KAT6B: variants seen among roughly 807,000 people sequenced by gnomAD.
The protein encoded by KAT6B is lysine acetyltransferase 6B.
In KAT6B, 10 loss-of-function variants were observed where a neutral mutation model predicts 187.5. That is an observed-to-expected ratio of 0.05 (90% CI 0.03 to 0.09). The LOEUF (loss-of-function observed/expected upper bound fraction) is 0.09. Ranked by LOEUF, KAT6B falls within the 10% of genes least tolerant of loss-of-function variation. KAT6B has a pLI of 1.00. For missense variants in KAT6B, 1,952 were observed against 2,558.9 expected (o/e 0.76, Z 5.12); for synonymous variants, 861 against 926.8 (o/e 0.93, Z 1.29).
rs750230825 is a variant in KAT6B, at chr10:75,024,959, G to A, written c.3374G>A (p.Arg1125Lys). ...KPQSVAIKRK[R>K]PFVLKKKRGR... ...TGTTATGTTTGGAATTAATTTCAGA[G>A]GCCTTTTGTACTAAAGAAGAAAAGG... The change falls in exon 17 of 18, where the codon AGG becomes AAG. Residue 1125 changes from arginine (R) to lysine (K), a missense_variant and splice_region_variant. By Grantham distance (26) the Arg-to-Lys change is conservative. Coordinates refer to ENST00000287239, the MANE Select transcript of KAT6B (RefSeq NM_012330.4). 4 of 1,613,760 alleles carry A rather than the reference G, an allele frequency of 2.5e-6. No homozygotes were observed. In the South Asian group the frequency reaches 3.3e-5, roughly 13 times the overall value.
Position 74,889,095 on chromosome 10 carries a change from A to G in KAT6B, c.621+45617A>G, listed in dbSNP as rs571621906. 7.2e-5 allele frequency among the ~76,000 whole-genome samples: 11 copies of G among 152,274 alleles called. No homozygotes were observed. In the South Asian group the frequency reaches 2.1e-3, roughly 29 times the overall value. On this transcript the variant is annotated intron_variant, in intron 3 of 17. Coordinates refer to ENST00000287239, the MANE Select transcript of KAT6B (RefSeq NM_012330.4). ...GATAAGATCTTAGATTTGATGAAGG[A>G]TGATATGTAAATACGTGGATAAAGG...
Position 75,025,235 on chromosome 10 carries a change from C to T in KAT6B, c.3650C>T (p.Ala1217Val). The change falls in exon 17 of 18, where the codon GCT (alanine) becomes GTT (valine). Residue 1217 changes from alanine (A) to valine (V), a missense_variant. By Grantham distance (64) the Ala-to-Val change is moderately conservative (BLOSUM62 0). Around this residue, in one of 9 missense-constraint regions of KAT6B, gnomAD observed 758 missense variants for 891.4 expected, o/e 0.85. Transcript: ENST00000287239. ...AAAGACAATCATTGCTTCAAGAATGCTGACCCTTGTAGAAGTAAGTAGAGG... is the reference window on the plus strand; with the variant it reads ...AAAGACAATCATTGCTTCAAGAATGTTGACCCTTGTAGAAGTAAGTAGAGG... ...EGKDNHCFKN[A>V]DPCRNNMNDD... The T allele has an allele frequency of 6.2e-7, 1 of 1,614,086 alleles. No homozygotes were observed. Among genetic ancestry groups the T allele is most frequent in the African/African-American group, 1.3e-5 (1 of 75,054 alleles).
In KAT6B at chr10:75,022,117, AGAG is replaced by A; in HGVS notation, c.3261_3263del (p.Glu1089del). ...AGGAGGAGGAAGAAGAGGAGGAAGA[AGAG>A]GAAGAGGATGAAGAGGAGGAAGAAG... On this transcript the variant is annotated inframe_deletion, in exon 16 of 18. Transcript: ENST00000287239. 1.9e-6 allele frequency: 3 copies of A among 1,606,738 alleles called. No individual in the cohort carries two copies. The highest frequency in any genetic ancestry group is 1.7e-4 in the Middle Eastern group (1 of 6,052).
intron 2 of KAT6B, among the ~76,000 whole-genome samples, chr10:74,841,892 C>G (rs146723453): frequency 1.5e-3 from 231 of 152,298 alleles, no homozygotes; most frequent in Non-Finnish European, 2.7e-3. Context: ...CCAAGCATCT[C>G]TCAGAACAAA....
chr10:75,021,143 G>C lies in KAT6B; in HGVS notation c.2879G>C (p.Arg960Pro). ...CATTACAGATTTGTCATCATTAGAC[G>C]GGAAAAGTTGATATTGAGCCACATG... The part of the protein sequence containing the change: ...KRDGRFVIIR[R>P]EKLILSHMEK... Residue 960 changes from arginine to proline, a missense_variant, in exon 15 of 18, where the codon CGG becomes CCG. Physicochemically the swap from Arg to Pro is moderately radical, Grantham distance 103. Transcript: ENST00000287239. The C allele has an allele frequency of 6.2e-7, 1 of 1,613,974 alleles. No individual in the cohort carries two copies. Among genetic ancestry groups the C allele is most frequent in the South Asian group, 1.1e-5 (1 of 91,066 alleles).
intron 3 of KAT6B, among the ~76,000 whole-genome samples, chr10:74,907,978 T>C (rs938071710): frequency 1.3e-5 from 2 of 152,198 alleles, no homozygotes; most frequent in African/African-American, 4.8e-5. Context: ...GTGGAGTCTT[T>C]AAGAGGTGAT....
chr10:74,983,715 C>T (rs1439537106), intron 11 of KAT6B: 1 of 152,148 alleles, frequency 6.6e-6, no homozygotes, highest in Non-Finnish European at 1.5e-5. Context: ...TCTTTCAGGG[C>T]AGGTGCTTTT....
Position 74,975,738 on chromosome 10 carries a change from G to A in KAT6B, c.1401G>A (p.Lys467=), listed in dbSNP as rs753494027. 6 of 1,614,150 alleles carry A rather than the reference G, an allele frequency of 3.7e-6. No individual in the cohort carries two copies. In the East Asian group the frequency reaches 1.1e-4, roughly 30 times the overall value. The change falls in exon 8 of 18, where the codon AAG becomes AAA. Residue 467 remains lysine (K), a synonymous_variant. Coordinates refer to ENST00000287239, the MANE Select transcript of KAT6B (RefSeq NM_012330.4). ...CAAAGCACTATCGTCCAAGGAAAAA[G>A]GTCTCTCAGAAACAGTCATGCACTT... ...DFSKHYRPRK[K]VSQKQSCTSH...
At chr10:75,023,400 T>C (rs927754515) in intron 16 of KAT6B, 1 of 152,256 alleles carries the variant, frequency 6.6e-6, no homozygotes, top group Non-Finnish European at 1.5e-5. Context: ...CAAAGTAGAC[T>C]TCAGGCTTAA....
intron 3 of KAT6B, among the ~76,000 whole-genome samples, chr10:74,856,008 T>G (rs1391798238): frequency 6.6e-6 from 1 of 152,198 alleles, no homozygotes. Context: ...TACTATACTA[T>G]TACGCAAAAA....
chr10:75,001,531 T>A (rs1338583030), intron 13 of KAT6B, among the ~76,000 whole-genome samples: 1 of 152,188 alleles, frequency 6.6e-6, no homozygotes, highest in Non-Finnish European at 1.5e-5. Context: ...TGCAAGCTAC[T>A]GGTTTAAATG....
intron 13 of KAT6B, among the ~76,000 whole-genome samples, chr10:74,997,220 C>T (rs1843498635): frequency 6.6e-6 from 1 of 151,050 alleles, no homozygotes; most frequent in Admixed American, 6.6e-5. Context: ...TCTCTCTCCC[C>T]CTGTTCTCCC....
chr10:74,842,778 CT>C lies in KAT6B; in HGVS notation c.-77del. The C allele has an allele frequency of 6.7e-7, 1 of 1,485,100 alleles. No individual in the cohort carries two copies. Among genetic ancestry groups the C allele is most frequent in the Non-Finnish European group, 9.4e-7 (1 of 1,069,288 alleles). 92.0% of individuals were successfully genotyped at this position (1,485,100 alleles called of 1,614,324 possible). A position where few individuals can be genotyped will look rare whatever the true frequency, so the allele number is the denominator to read the frequency against. ...TGTCCATTTGTTGAATTGTAAATGA[CT>C]TTCAAATGTGCAAGTTCTGTTAAAT... is the stretch of plus-strand genomic sequence containing the variant. On this transcript the variant is annotated 5_prime_UTR_variant, in exon 3 of 18. An upstream open reading frame in the 5' UTR loses its in-frame stop. Transcript: ENST00000287239.
chr10:74,913,477 G>A (rs1324152647), intron 3 of KAT6B, among the ~76,000 whole-genome samples: 1 of 152,184 alleles, frequency 6.6e-6, no homozygotes, highest in Non-Finnish European at 1.5e-5. Flanking sequence ...GTTGTGCTGT[G>A]TGTTCACCCA....
Position 74,842,844 on chromosome 10 carries a change from G to T in KAT6B, c.-14G>T, listed in dbSNP as rs1339195223. ...TATGGGTAACTTTTGTGTTGAAGAAGTCATTTGTCAACCATGGTAAAACTT... is the reference window on the plus strand; with the variant it reads ...TATGGGTAACTTTTGTGTTGAAGAATTCATTTGTCAACCATGGTAAAACTT... On this transcript the variant is annotated 5_prime_UTR_variant, in exon 3 of 18. Transcript: ENST00000287239. The T allele has an allele frequency of 6.2e-6, 10 of 1,613,728 alleles. No homozygotes were observed. The highest frequency in any genetic ancestry group is 1.3e-5 in the African/African-American group (1 of 75,064).
At chr10:74,921,172 T>C (rs1848090232) in intron 3 of KAT6B, among the ~76,000 whole-genome samples, 2 of 147,592 alleles carry the variant, frequency 1.4e-5, no homozygotes, top group South Asian at 4.3e-4. Flanking sequence ...TGGAGTTAAA[T>C]GGCGAGATCT....
At chr10:74,999,166 A>T (rs538927681) in intron 13 of KAT6B, among the ~76,000 whole-genome samples, 1 of 152,368 alleles carries the variant, frequency 6.6e-6, no homozygotes, top group South Asian at 2.1e-4. Context: ...ATGCATGGAA[A>T]AGAGGCAGGT....
intron 6 of KAT6B, 40 bp downstream of exon 6, chr10:74,970,141 T>C: frequency 6.8e-7 from 1 of 1,479,594 alleles, no homozygotes; most frequent in Non-Finnish European, 9.4e-7. Flanking sequence ...TTTTATTACA[T>C]ATTGGTTAGC....
At chr10:74,972,456 T>C in intron 6 of KAT6B, 51 bp from the exon 7 acceptor site, 2 of 1,316,446 alleles carry the variant, frequency 1.5e-6, no homozygotes, top group Non-Finnish European at 2.1e-6. Flanking sequence ...TTTAATATCT[T>C]CTCTTAAAAT....
Sources: allele counts gnomAD v4.1 joint callset (sites outside exome capture counted in the v4.1 genomes callset), GRCh38; gene constraint gnomAD v4.1.1; regional missense constraint gnomAD v4.1.1; transcripts MANE v1.5; gene names NCBI Gene and HGNC (gene_info 2026-07-23, HGNC 2026-07-21).